Variants in PODXL observed in about 807,000 individuals in gnomAD.
PODXL encodes the protein podocalyxin.
A neutral mutation model predicts 48.9 loss-of-function variants in PODXL; 20 were observed. The observed-to-expected ratio is 0.41, with a 90% CI of 0.29 to 0.59. The LOEUF (loss-of-function observed/expected upper bound fraction) is 0.59, where lower values mean the gene tolerates loss of function less well. PODXL is among the 20% of genes least tolerant of loss of function. The pLI, the probability that PODXL is intolerant of heterozygous loss-of-function variation, is 0.31. For synonymous variants in PODXL, 295 were observed against 287.4 expected (o/e 1.03, Z -0.27); for missense variants, 606 against 675.1 (o/e 0.90, Z 1.13).
At chr7:131,545,472 T>G (rs1798560393) in intron 1 of PODXL, among the ~76,000 whole-genome samples, 1 of 152,242 alleles carries the variant, frequency 6.6e-6, no homozygotes, top group South Asian at 2.1e-4. Context: ...CTGTTTATAC[T>G]GGGTAATCTG....
intron 1 of PODXL, among the ~76,000 whole-genome samples, chr7:131,537,603 ACC>A (rs1425771935): frequency 4.5e-5 from 3 of 65,972 alleles, no homozygotes; most frequent in Admixed American, 1.7e-4. Flanking sequence ...ACCCCACCCC[ACC>A]CCCCCAAAAA....
chr7:131,542,231 C>A (rs1029089342), intron 1 of PODXL, among the ~76,000 whole-genome samples: 3 of 152,202 alleles, frequency 2.0e-5, no homozygotes, highest in Non-Finnish European at 2.9e-5. Flanking sequence ...AGGCTCCATG[C>A]CCCGTTCTCT....
chr7:131,511,538 G>A, intron 1 of PODXL, 105 bp from the exon 2 acceptor site: 2 of 1,207,622 alleles, frequency 1.7e-6, no homozygotes, highest in Non-Finnish European at 1.2e-6. Flanking sequence ...CAGCCCTGCT[G>A]TCTGCCTTGC....
At chr7:131,506,404 G>T in intron 6 of PODXL, 83 bp from the exon 7 acceptor site, 3 of 1,492,894 alleles carry the variant, frequency 2.0e-6, no homozygotes, top group Non-Finnish European at 2.8e-6. Flanking sequence ...AGAGAGGGAC[G>T]CACCGTATCT....
rs568529553 is a variant in PODXL, at chr7:131,523,166, A to G, written c.101-11733T>C. ...CAATCAGCAATTTTTTTGTGAATCC[A>G]ATTTTTCCAGATCCTTGCCAACAGT... is the stretch of plus-strand genomic sequence containing the variant. On this transcript the variant is annotated intron_variant, in intron 1 of 8. Transcript: ENST00000378555. 2.6e-5 allele frequency among the ~76,000 whole-genome samples: 4 copies of G among 152,282 alleles called. No individual in the cohort carries two copies. In the South Asian group the frequency reaches 8.3e-4, roughly 32 times the overall value.
rs751278720 is a variant in PODXL, at chr7:131,504,411, T to A, written c.1577A>T (p.Lys526Met). ...CAGCTCCCCGTTGAGGCTGACCACC[T>A]TCTTCTCCTGCATCTCAGAAGAGGT... ...METSSEMQEK[K>M]VVSLNGELGD... The change falls in exon 9 of 9, where the codon AAG becomes ATG. Residue 526 changes from lysine (K) to methionine (M), a missense_variant. By Grantham distance (95) the Lys-to-Met change is moderately conservative. Coordinates refer to ENST00000378555, the MANE Select transcript of PODXL (RefSeq NM_001018111.3). 83 of 1,614,080 alleles carry A rather than the reference T, an allele frequency of 5.1e-5. No individual in the cohort carries two copies. The highest frequency in any genetic ancestry group is 3.3e-4 in the Middle Eastern group (2 of 6,062).
chr7:131,511,365 C>G lies in PODXL; in HGVS notation c.169G>C (p.Ala57Pro). Residue 57 changes from alanine to proline, a missense_variant, in exon 2 of 9, where the codon GCT (alanine) becomes CCT (proline). Coordinates refer to ENST00000378555, the MANE Select transcript of PODXL (RefSeq NM_001018111.3). Reference sequence around the variant, plus strand: ...GTGCTCTGCTGGGCTGTATCTGTAGCCATGATGGTGACACTGGATGCTGGA... The same window carrying G: ...GTGCTCTGCTGGGCTGTATCTGTAGGCATGATGGTGACACTGGATGCTGGA... ...PTPASSVTIM[A>P]TDTAQQSTVP... 1 of 1,609,458 alleles carries G rather than the reference C, an allele frequency of 6.2e-7. No homozygotes were observed. The highest frequency in any genetic ancestry group is 1.1e-5 in the South Asian group (1 of 91,054).
chr7:131,524,370 A>ACACGCACG (rs1554385098), intron 1 of PODXL, among the ~76,000 whole-genome samples: 1 of 114,568 alleles, frequency 8.7e-6, no homozygotes, highest in Non-Finnish European at 1.7e-5. Context: ...ACGCACACAC[A>ACACGCACG]CACACACACA....
intron 1 of PODXL, among the ~76,000 whole-genome samples, chr7:131,539,756 C>A (rs546270450): frequency 6.6e-6 from 1 of 152,222 alleles, no homozygotes; most frequent in African/African-American, 2.4e-5. Flanking sequence ...GAGACAGGAA[C>A]GTCCGTGCCC....
chr7:131,545,063 C>T lies in PODXL; in HGVS notation c.100+11197G>A, dbSNP rs560915948. 3.3e-5 allele frequency among the ~76,000 whole-genome samples: 5 copies of T among 152,298 alleles called. No homozygotes were observed. In the South Asian group the frequency reaches 1.0e-3, roughly 32 times the overall value. ...TCAGGGTCAAGGACTCAAAAAGCAG[C>T]AGGGGGCAGAGGCACAACAGGAAAG... On this transcript the variant is annotated intron_variant, in intron 1 of 8. Transcript: ENST00000378555.
intron 1 of PODXL, among the ~76,000 whole-genome samples, chr7:131,530,788 G>A (rs1056559588): frequency 6.6e-6 from 1 of 150,972 alleles, no homozygotes; most frequent in Non-Finnish European, 1.5e-5. Flanking sequence ...GGCCAGGTGT[G>A]GTGGCTCCCA....
rs753352253 is a variant in PODXL at position 131,506,339 on chromosome 7, G to A, written c.1250-18C>T. 20 of 1,613,604 alleles carry A rather than the reference G, an allele frequency of 1.2e-5. No homozygotes were observed. Among genetic ancestry groups the A allele is most frequent in the Admixed American group, 1.7e-5 (1 of 60,008 alleles). On this transcript the variant is annotated intron_variant, in intron 6 of 8. Coordinates refer to ENST00000378555, the MANE Select transcript of PODXL (RefSeq NM_001018111.3). ...GAGCTTAGCTGTGGGAGAGGGAGAC[G>A]ATGCCCAATGGCCCAGCCCAGAGCG...
chr7:131,552,428 C>T (rs1798682673), intron 1 of PODXL, among the ~76,000 whole-genome samples: 1 of 152,212 alleles, frequency 6.6e-6, no homozygotes, highest in South Asian at 2.1e-4. Flanking sequence ...AGTCCCCTTC[C>T]CCTCTCAGCT....
intron 3 of PODXL, among the ~76,000 whole-genome samples, 162 bp downstream of exon 3, chr7:131,510,074 G>A (rs1037872723): frequency 2.0e-5 from 3 of 152,162 alleles, no homozygotes; most frequent in South Asian, 4.1e-4. Context: ...CACCAGGAGC[G>A]CTCAGAAACT....
intron 8 of PODXL, 106 bp from the exon 9 acceptor site, chr7:131,504,614 G>T: frequency 1.1e-6 from 1 of 928,058 alleles, no homozygotes; most frequent in Non-Finnish European, 1.7e-6. Flanking sequence ...TGTAGCTAAA[G>T]CAGGCCCTCA....
chr7:131,555,007 T>A (rs903444525), intron 1 of PODXL, among the ~76,000 whole-genome samples: 1 of 152,164 alleles, frequency 6.6e-6, no homozygotes, highest in Non-Finnish European at 1.5e-5. Context: ...CCCTTTCTAG[T>A]CAGGCTGGTG....
At chr7:131,549,251 C>T (rs557212502) in intron 1 of PODXL, among the ~76,000 whole-genome samples, 4 of 152,214 alleles carry the variant, frequency 2.6e-5, no homozygotes, top group South Asian at 4.1e-4. Flanking sequence ...GAGTGAACCA[C>T]GTACATATTG....
intron 1 of PODXL, among the ~76,000 whole-genome samples, chr7:131,519,106 C>A (rs1279805456): frequency 6.6e-6 from 1 of 152,164 alleles, no homozygotes; most frequent in Non-Finnish European, 1.5e-5. Flanking sequence ...TGGACCTTTC[C>A]TTCAAAAACA....
chr7:131,503,787 C>T lies in PODXL; in HGVS notation c.*524G>A, dbSNP rs10246749. The T allele has an allele frequency of 3.8e-5, 6 of 159,984 alleles. No individual in the cohort carries two copies. Among genetic ancestry groups the T allele is most frequent in the East Asian group, 3.8e-4 (2 of 5,278 alleles). The allele number at this position is 159,984 out of a possible 1,614,324, so 9.9% of individuals were successfully genotyped here. ...AAACTTGGGAGCTGGACTTTCAGGT[C>T]GTCAGATCCCACCGAGCCAGGATGT... On this transcript the variant is annotated 3_prime_UTR_variant, in exon 9 of 9. Transcript: ENST00000378555.
Sources: allele counts gnomAD v4.1 joint callset (sites outside exome capture counted in the v4.1 genomes callset), GRCh38; gene constraint gnomAD v4.1.1; transcripts MANE v1.5; gene names NCBI Gene and HGNC (gene_info 2026-07-23, HGNC 2026-07-21).